The following GPC6 variants were observed in gnomAD, a reference collection of about 807,000 sequenced individuals.
GPC6 encodes the protein glypican-6.
In GPC6, 14 loss-of-function variants were observed where a neutral mutation model predicts 55.2. The observed-to-expected ratio is 0.25, with a 90% CI of 0.17 to 0.40. The LOEUF (loss-of-function observed/expected upper bound fraction) is 0.40. Among genes scored for constraint, GPC6 ranks in the 10% least tolerant of loss-of-function variants. The pLI is 1.00. For synonymous variants in GPC6, 278 were observed against 259.6 expected (o/e 1.07, Z -0.68); for missense variants, 641 against 708.5 (o/e 0.90, Z 1.08).
intron 6 of GPC6, among the ~76,000 whole-genome samples, chr13:94,359,673 T>TG (rs1878965091): frequency 6.6e-6 from 1 of 152,084 alleles, no homozygotes; most frequent in African/African-American, 2.4e-5. Context: ...TTTTTTTTTT[T>TG]GAAGAGATAA....
At chr13:94,083,664 T>G (rs1885185421) in intron 4 of GPC6, among the ~76,000 whole-genome samples, 1 of 152,164 alleles carries the variant, frequency 6.6e-6, no homozygotes, top group Admixed American at 6.5e-5. Flanking sequence ...ATTGTGATTT[T>G]GACTCAAGTC....
chr13:93,467,045 G>A lies in GPC6; in HGVS notation c.161-78218G>A, dbSNP rs541060588. Among the ~76,000 whole-genome samples the A allele has an allele frequency of 1.3e-4, 20 of 152,298 alleles. No individual in the cohort carries two copies. In the South Asian group the frequency reaches 4.1e-3, roughly 32 times the overall value. On this transcript the variant is annotated intron_variant, in intron 1 of 8. Coordinates refer to ENST00000377047, the MANE Select transcript of GPC6 (RefSeq NM_005708.5). ...TTGTCAAGATGCAGTCAGGGGTTCA[G>A]CCCCATGTTTTCTAAATCCAAGTCT...
At chr13:93,254,362 G>T (rs771149079) in intron 1 of GPC6, among the ~76,000 whole-genome samples, 3 of 152,136 alleles carry the variant, frequency 2.0e-5, no homozygotes, top group African/African-American at 7.2e-5. Context: ...TCCATAGATA[G>T]TACAGCTACC....
At chr13:94,193,342 T>C (rs1889461753) in intron 4 of GPC6, among the ~76,000 whole-genome samples, 1 of 152,072 alleles carries the variant, frequency 6.6e-6, no homozygotes, top group Non-Finnish European at 1.5e-5. Flanking sequence ...AAAAATGTAG[T>C]ATTTCCTTTG....
chr13:93,275,811 G>C (rs940501138), intron 1 of GPC6, among the ~76,000 whole-genome samples: 7 of 152,122 alleles, frequency 4.6e-5, no homozygotes, highest in African/African-American at 1.7e-4. Flanking sequence ...TCAGATAATG[G>C]GGGTAGGGCT....
chr13:93,611,000 A>G (rs1452264277), intron 2 of GPC6, among the ~76,000 whole-genome samples: 1 of 152,158 alleles, frequency 6.6e-6, no homozygotes, highest in Non-Finnish European at 1.5e-5. Context: ...CTATTGCACA[A>G]AAGTCCATAT....
In GPC6 at chr13:94,005,818, A is replaced by G. The variant is rs114540750; in HGVS notation, c.712-21911A>G. Among the ~76,000 whole-genome samples the G allele has an allele frequency of 4.9e-3, 746 of 152,274 alleles. 7 individuals are homozygous for G. Among genetic ancestry groups the G allele is most frequent in the African/African-American group, 0.017 (724 of 41,546 alleles). On this transcript the variant is annotated intron_variant, in intron 3 of 8. Transcript: ENST00000377047. ...TCTTCTGATGCCATTTTCTCAAGGA[A>G]AACTGCATATTTTCTCAAGATAAAT... is the stretch of plus-strand genomic sequence containing the variant.
At chr13:93,674,630 C>A (rs555348719) in intron 2 of GPC6, among the ~76,000 whole-genome samples, 1 of 152,310 alleles carries the variant, frequency 6.6e-6, no homozygotes, top group South Asian at 2.1e-4. Flanking sequence ...GGAGACAACA[C>A]TCTTCCTTTC....
chr13:93,514,222 T>C (rs2139389498), intron 1 of GPC6, among the ~76,000 whole-genome samples: 1 of 152,058 alleles, frequency 6.6e-6, no homozygotes, highest in African/African-American at 2.4e-5. Context: ...ATTTGAGAAG[T>C]TGGTTGGCTG....
chr13:94,066,348 T>G (rs184674348), intron 4 of GPC6, among the ~76,000 whole-genome samples: 19 of 152,286 alleles, frequency 1.2e-4, no homozygotes, highest in African/African-American at 4.3e-4. Context: ...CAGAAGTAAT[T>G]TTCATGATTG....
chr13:93,429,357 A>G (rs1877269656), intron 1 of GPC6, among the ~76,000 whole-genome samples: 1 of 152,154 alleles, frequency 6.6e-6, no homozygotes, highest in Non-Finnish European at 1.5e-5. Flanking sequence ...TACAAAGGAT[A>G]TTTCTACTCA....
intron 4 of GPC6, among the ~76,000 whole-genome samples, chr13:94,223,184 C>G (rs774097633): frequency 2.0e-5 from 3 of 151,994 alleles, no homozygotes; most frequent in African/African-American, 4.8e-5. Context: ...CCATGAATAC[C>G]TAATTGCCTT....
intron 1 of GPC6, among the ~76,000 whole-genome samples, chr13:93,534,057 T>A (rs1881965048): frequency 6.6e-6 from 1 of 152,094 alleles, no homozygotes; most frequent in African/African-American, 2.4e-5. Flanking sequence ...TGGCCTCGCA[T>A]CTGCAGAAAA....
chr13:94,026,503 A>T (rs1882903367), intron 3 of GPC6, among the ~76,000 whole-genome samples: 1 of 152,012 alleles, frequency 6.6e-6, no homozygotes, highest in East Asian at 1.9e-4. Context: ...ACAGCAATGT[A>T]TAGTTACTTG....
In GPC6 at chr13:93,618,405, T is replaced by A. The variant is rs148886423; in HGVS notation, c.319+72984T>A. On this transcript the variant is annotated intron_variant, in intron 2 of 8. Transcript: ENST00000377047. ...CCCTAGTATGAATTTTTCAATGAAA[T>A]CAGTGAGCCTCACATACTCATCTCA... 2.3e-3 allele frequency among the ~76,000 whole-genome samples: 356 copies of A among 152,208 alleles called. 1 individual carries two copies. Among genetic ancestry groups the A allele is most frequent in the African/African-American group, 8.1e-3 (338 of 41,548 alleles).
intron 4 of GPC6, among the ~76,000 whole-genome samples, chr13:94,231,352 T>C (rs1410004519): frequency 6.6e-6 from 1 of 152,054 alleles, no homozygotes; most frequent in Non-Finnish European, 1.5e-5. Flanking sequence ...TTAAAAACGA[T>C]CCTATTGGCT....
At chr13:93,674,958 T>C (rs1881527366) in intron 2 of GPC6, among the ~76,000 whole-genome samples, 1 of 152,206 alleles carries the variant, frequency 6.6e-6, no homozygotes, top group African/African-American at 2.4e-5. Flanking sequence ...GTTGTTTTGT[T>C]CTTCCCCACC....
At chr13:93,367,396 T>A (rs1005038387) in intron 1 of GPC6, among the ~76,000 whole-genome samples, 15 of 152,262 alleles carry the variant, frequency 9.9e-5, no homozygotes, top group Middle Eastern at 3.4e-3. Context: ...TTTCCAAAGA[T>A]TCAGCTTTTT....
At chr13:93,723,739 T>C in intron 2 of GPC6, among the ~76,000 whole-genome samples, 1 of 152,010 alleles carries the variant, frequency 6.6e-6, no homozygotes, top group African/African-American at 2.4e-5. Flanking sequence ...TCCAACCAGA[T>C]TTCACAATTT....
Sources: gnomAD v4.1 joint callset for allele counts (sites outside exome capture counted in the v4.1 genomes callset) on GRCh38, gnomAD v4.1.1 for gene constraint, MANE v1.5 for transcripts, NCBI Gene and HGNC (gene_info 2026-07-23, HGNC 2026-07-21) for gene names.